The following ACOXL variants were observed in gnomAD, a reference collection of about 807,000 sequenced individuals.
ACOXL encodes acyl-coenzyme A oxidase-like protein.
In ACOXL, 70 loss-of-function variants were observed where a neutral mutation model predicts 71.9. That is an observed-to-expected ratio of 0.97 (90% CI 0.80 to 1.19). ACOXL has a LOEUF of 1.19. ACOXL is among the 50% of genes most tolerant of loss of function. ACOXL has a pLI of 0.00. For missense variants in ACOXL, 703 were observed against 736.3 expected, an observed-to-expected ratio of 0.95 and a Z score of 0.52; for synonymous variants, 253 against 281.6, an observed-to-expected ratio of 0.90 and a Z score of 1.02.
intron 13 of ACOXL, among the ~76,000 whole-genome samples, chr2:110,990,150 A>T (rs912039694): frequency 3.3e-5 from 5 of 152,168 alleles, no homozygotes; most frequent in African/African-American, 1.2e-4. Context: ...AAATATATTA[A>T]ATCTATATAC....
At chr2:111,048,593 G>C (rs1033528738) in intron 15 of ACOXL, among the ~76,000 whole-genome samples, 2 of 152,048 alleles carry the variant, frequency 1.3e-5, no homozygotes, top group Non-Finnish European at 2.9e-5. Flanking sequence ...ATGTAATTTT[G>C]TAAATTTTCT....
chr2:110,885,058 A>G (rs1697112983), intron 10 of ACOXL, among the ~76,000 whole-genome samples: 1 of 152,218 alleles, frequency 6.6e-6, no homozygotes, highest in East Asian at 1.9e-4. Context: ...GTGGTAGGAT[A>G]GGAAGGTACG....
chr2:110,772,684 G>A (rs1682111404), intron 2 of ACOXL, among the ~76,000 whole-genome samples: 2 of 152,106 alleles, frequency 1.3e-5, no homozygotes, highest in Non-Finnish European at 1.5e-5. Context: ...TGATCCACAC[G>A]AGTGAGGGGC....
intron 10 of ACOXL, among the ~76,000 whole-genome samples, chr2:110,886,613 A>G (rs1046612078): frequency 1.3e-5 from 2 of 152,044 alleles, no homozygotes; most frequent in Non-Finnish European, 2.9e-5. Flanking sequence ...TCCTAACCTC[A>G]GGTGATCCAC....
At chr2:110,872,734 C>CT (rs1431072328) in intron 10 of ACOXL, among the ~76,000 whole-genome samples, 5 of 152,356 alleles carry the variant, frequency 3.3e-5, no homozygotes, top group African/African-American at 9.6e-5. Flanking sequence ...GGTTTCAGTT[C>CT]TTAAGAGTGA....
rs150200834 is a variant in ACOXL at position 111,083,120 on chromosome 2, C to T, written c.1441-9745C>T. Among the ~76,000 whole-genome samples the T allele has an allele frequency of 2.5e-3, 373 of 152,122 alleles. 2 individuals are homozygous for T. The highest frequency in any genetic ancestry group is 8.6e-3 in the African/African-American group (356 of 41,492). The stretch of plus-strand genomic sequence containing the variant: ...ATGGGTTCAGCAAACCACCATGGCA[C>T]GTGTATAGCTATGTAACAAACCTGC... On this transcript the variant is annotated intron_variant, in intron 16 of 17. Transcript: ENST00000439055.
intron 8 of ACOXL, among the ~76,000 whole-genome samples, chr2:110,804,663 G>T (rs1293859229): frequency 6.6e-6 from 1 of 151,988 alleles, no homozygotes; most frequent in African/African-American, 2.4e-5. Context: ...AAAAGAAATG[G>T]AGTACTAACA....
In ACOXL at chr2:110,933,781, C is replaced by T; in HGVS notation, c.1059+139C>T. On this transcript the variant is annotated intron_variant, in intron 12 of 17. Coordinates refer to ENST00000439055, the MANE Select transcript of ACOXL (RefSeq NM_001142807.4). The stretch of plus-strand genomic sequence containing the variant: ...CCATGACTCTGGGTTCCTTCCTTAC[C>T]AGCCTCATAGTCTTGTGTGTCTCCA... The T allele has an allele frequency of 7.4e-6, 8 of 1,088,166 alleles. 1 individual carries two copies. The South Asian group carries it at 8.7e-5, about 12-fold the overall frequency. The allele number at this position is 1,088,166 out of a possible 1,614,324, so 67.4% of individuals were successfully genotyped here.
intron 9 of ACOXL, among the ~76,000 whole-genome samples, chr2:110,807,138 C>T (rs1686749846): frequency 1.3e-5 from 2 of 152,242 alleles, no homozygotes; most frequent in African/African-American, 4.8e-5. Context: ...AGACTTCATT[C>T]CCGGCAACAC....
chr2:110,939,120 A>G (rs2060776253), intron 12 of ACOXL, among the ~76,000 whole-genome samples: 1 of 152,210 alleles, frequency 6.6e-6, no homozygotes, highest in Non-Finnish European at 1.5e-5. Context: ...TACTCTAAAC[A>G]TAGGGCCCTG....
chr2:111,008,366 T>C (rs2063975028), intron 14 of ACOXL, among the ~76,000 whole-genome samples: 1 of 152,192 alleles, frequency 6.6e-6, no homozygotes, highest in African/African-American at 2.4e-5. Flanking sequence ...ATCACTTCCC[T>C]TTTTTCCTAC....
At chr2:111,083,323 A>T (rs560827468) in intron 16 of ACOXL, among the ~76,000 whole-genome samples, 1 of 152,250 alleles carries the variant, frequency 6.6e-6, no homozygotes, top group African/African-American at 2.4e-5. Context: ...AGAATGTCTC[A>T]TAGGATGCAA....
intron 16 of ACOXL, among the ~76,000 whole-genome samples, chr2:111,085,417 T>A (rs1314200961): frequency 6.6e-6 from 1 of 152,104 alleles, no homozygotes; most frequent in Non-Finnish European, 1.5e-5. Flanking sequence ...AAATCAAGAC[T>A]AAGAAAATTC....
chr2:110,966,494 C>T (rs2061936454), intron 12 of ACOXL, among the ~76,000 whole-genome samples: 1 of 152,200 alleles, frequency 6.6e-6, no homozygotes, highest in Non-Finnish European at 1.5e-5. Context: ...TCTATACCCA[C>T]AAGATGACAA....
chr2:110,758,812 T>C (rs1680016039), intron 1 of ACOXL, among the ~76,000 whole-genome samples: 1 of 152,210 alleles, frequency 6.6e-6, no homozygotes, highest in Non-Finnish European at 1.5e-5. Flanking sequence ...CGTGGACATG[T>C]AGTGCTATAA....
intron 14 of ACOXL, among the ~76,000 whole-genome samples, chr2:111,023,763 A>C (rs1013553844): frequency 6.6e-6 from 1 of 152,116 alleles, no homozygotes; most frequent in Non-Finnish European, 1.5e-5. Context: ...AAGCTGTCAC[A>C]GCTGGGGAAG....
intron 3 of ACOXL, among the ~76,000 whole-genome samples, chr2:110,792,207 G>A (rs1573535401): frequency 1.3e-5 from 2 of 152,204 alleles, no homozygotes; most frequent in African/African-American, 4.8e-5. Flanking sequence ...CTGGGATGGG[G>A]TGGGGTCAAC....
chr2:110,779,472 GGTT>G (rs1374119433), intron 2 of ACOXL, among the ~76,000 whole-genome samples: 3 of 152,174 alleles, frequency 2.0e-5, no homozygotes, highest in Non-Finnish European at 4.4e-5. Context: ...CAAATTTACA[GGTT>G]GCTTCAAAAC....
intron 17 of ACOXL, among the ~76,000 whole-genome samples, chr2:111,106,676 C>T (rs1285841104): frequency 2.0e-5 from 3 of 152,112 alleles, no homozygotes; most frequent in Admixed American, 6.5e-5. Flanking sequence ...AGCTGGTTTC[C>T]TCTAACACTG....
Sources: gnomAD v4.1 joint callset for allele counts (sites outside exome capture counted in the v4.1 genomes callset) on GRCh38, gnomAD v4.1.1 for gene constraint, MANE v1.5 for transcripts, NCBI Gene and HGNC (gene_info 2026-07-23, HGNC 2026-07-21) for gene names.